Variants in GFRA1 observed in about 807,000 individuals in gnomAD.
GFRA1 encodes the protein GDNF family receptor alpha-1.
A neutral mutation model predicts 51.6 loss-of-function variants in GFRA1; 16 were observed. The observed-to-expected ratio is 0.31, with a 90% CI of 0.21 to 0.47. GFRA1 has a LOEUF of 0.47. Ranked by LOEUF, GFRA1 falls within the 20% of genes least tolerant of loss-of-function variation. The pLI, the probability that GFRA1 is intolerant of heterozygous loss-of-function variation, is 1.00. For missense variants in GFRA1, 530 were observed against 594.3 expected (o/e 0.89, Z 1.13); for synonymous variants, 270 against 241.3 (o/e 1.12, Z -1.10).
chr10:116,190,128 G>A (rs555359401), intron 5 of GFRA1, among the ~76,000 whole-genome samples: 104 of 152,164 alleles, frequency 6.8e-4, no homozygotes, highest in Non-Finnish European at 1.1e-3. Context: ...TTCTCCCACC[G>A]AATGAGAAGC....
chr10:116,273,973 C>T (rs1456548815), upstream of GFRA1, among the ~76,000 whole-genome samples: 1 of 152,188 alleles, frequency 6.6e-6, no homozygotes, highest in Non-Finnish European at 1.5e-5. Flanking sequence ...GGAGCTCCGA[C>T]AAGGAGACAA....
chr10:116,227,895 T>A (rs543645825), intron 4 of GFRA1, among the ~76,000 whole-genome samples: 13 of 152,328 alleles, frequency 8.5e-5, no homozygotes, highest in African/African-American at 2.9e-4. Context: ...AAAGATGATA[T>A]ACCACAATCT....
chr10:116,261,754 G>C (rs1969319041), intron 4 of GFRA1, among the ~76,000 whole-genome samples: 1 of 152,160 alleles, frequency 6.6e-6, no homozygotes, highest in East Asian at 1.9e-4. Flanking sequence ...CAATATACGG[G>C]CCCTTCAAAA....
chr10:116,264,097 T>C (rs1415890466), intron 4 of GFRA1, among the ~76,000 whole-genome samples: 1 of 152,104 alleles, frequency 6.6e-6, no homozygotes, highest in African/African-American at 2.4e-5. Context: ...AAATGCTGGT[T>C]TAGCGCTCAA....
chr10:116,134,430 G>A (rs754751787), intron 5 of GFRA1, among the ~76,000 whole-genome samples: 5 of 152,092 alleles, frequency 3.3e-5, no homozygotes, highest in Non-Finnish European at 7.4e-5. Context: ...TGACAGTCTG[G>A]GCTTCTGATA....
At chr10:116,249,658 G>C (rs1233598813) in intron 4 of GFRA1, among the ~76,000 whole-genome samples, 1 of 152,078 alleles carries the variant, frequency 6.6e-6, no homozygotes, top group Non-Finnish European at 1.5e-5. Flanking sequence ...GCACCAAATA[G>C]CTATTTAGTA....
intron 5 of GFRA1, among the ~76,000 whole-genome samples, chr10:116,188,064 C>A (rs1452061184): frequency 2.6e-5 from 4 of 152,062 alleles, no homozygotes; most frequent in African/African-American, 9.7e-5. Context: ...GAAACCACAA[C>A]CCTATATATA....
chr10:116,074,694 C>T (rs963966192), intron 9 of GFRA1, among the ~76,000 whole-genome samples: 1 of 152,186 alleles, frequency 6.6e-6, no homozygotes, highest in Non-Finnish European at 1.5e-5. Context: ...CTTGAGTTTC[C>T]TCTCCAGAGA....
At chr10:116,154,161 G>C (rs957658187) in intron 5 of GFRA1, among the ~76,000 whole-genome samples, 1 of 152,102 alleles carries the variant, frequency 6.6e-6, no homozygotes, top group African/African-American at 2.4e-5. Context: ...GACCACTTCG[G>C]AAGTCTAAAC....
chr10:116,228,978 C>A, intron 4 of GFRA1, among the ~76,000 whole-genome samples: 1 of 23,860 alleles, frequency 4.2e-5, no homozygotes. Flanking sequence ...AATACTCCAT[C>A]TCAAAAAAAA....
chr10:116,203,722 T>A (rs372809334), intron 5 of GFRA1, among the ~76,000 whole-genome samples: 14 of 152,230 alleles, frequency 9.2e-5, no homozygotes, highest in African/African-American at 3.1e-4. Flanking sequence ...TCTATCCTGG[T>A]CCCCAGTGAG....
At chr10:116,097,040 A>G (rs1305581482) in intron 6 of GFRA1, among the ~76,000 whole-genome samples, 2 of 152,028 alleles carry the variant, frequency 1.3e-5, no homozygotes, top group East Asian at 3.9e-4. Flanking sequence ...AGGGCCTATA[A>G]CTGGAGGAAT....
intron 9 of GFRA1, among the ~76,000 whole-genome samples, chr10:116,081,098 T>C (rs1249021523): frequency 6.6e-6 from 1 of 152,180 alleles, no homozygotes; most frequent in Non-Finnish European, 1.5e-5. Context: ...CTTGTAGCAC[T>C]TTCCTGATTT....
chr10:116,222,268 G>A (rs1280282295), intron 4 of GFRA1, among the ~76,000 whole-genome samples: 4 of 152,018 alleles, frequency 2.6e-5, no homozygotes, highest in Non-Finnish European at 2.9e-5. Context: ...GCGTGATCTC[G>A]GCTCACTGCA....
At chr10:116,196,583 TAG>T (rs1963800532) in intron 5 of GFRA1, among the ~76,000 whole-genome samples, 2 of 26,062 alleles carry the variant, frequency 7.7e-5, no homozygotes, top group Non-Finnish European at 1.7e-4. Context: ...ATATAATATA[TAG>T]TACTATATAT....
intron 5 of GFRA1, among the ~76,000 whole-genome samples, chr10:116,172,681 G>A (rs11197567): frequency 0.22 from 33,269 of 152,140 alleles, 3,750 homozygotes; most frequent in Non-Finnish European, 0.25. Flanking sequence ...GCTGGGGGAC[G>A]GGCATGTGTA....
In GFRA1 at chr10:116,125,303, C is replaced by T. The variant is rs780279189; in HGVS notation, c.688G>A (p.Val230Met). 10 of 1,614,228 alleles carry T rather than the reference C, an allele frequency of 6.2e-6. No homozygotes were observed. The highest frequency in any genetic ancestry group is 7.6e-6 in the Non-Finnish European group (9 of 1,180,042). The change falls in exon 6 of 11, where the codon GTG becomes ATG. Residue 230 changes from valine (V) to methionine (M), a missense_variant. Val to Met is a conservative substitution (Grantham distance 21). Coordinates refer to ENST00000355422, the MANE Select transcript of GFRA1 (RefSeq NM_005264.8). ...ACTERRRQTIVPVCSYEEREK... is the reference protein window; with the variant it reads ...ACTERRRQTIMPVCSYEEREK... ...CTCTCTTCATAGGAGCACACAGGCACGATGGTCTGTCGCCTCCGCTCTGTG... is the reference window on the plus strand; with the variant it reads ...CTCTCTTCATAGGAGCACACAGGCATGATGGTCTGTCGCCTCCGCTCTGTG...
intron 4 of GFRA1, among the ~76,000 whole-genome samples, chr10:116,251,991 A>G (rs1167884865): frequency 1.6e-5 from 1 of 62,388 alleles, no homozygotes; most frequent in East Asian, 5.8e-4. Flanking sequence ...TTTTTTTTTT[A>G]CAATTACCAA....
intron 5 of GFRA1, among the ~76,000 whole-genome samples, chr10:116,210,405 C>T (rs533036214): frequency 5.9e-5 from 9 of 152,224 alleles, no homozygotes; most frequent in Non-Finnish European, 1.2e-4. Flanking sequence ...CCCACTGACC[C>T]CCCAGTTTGT....
Sources: allele counts gnomAD v4.1 joint callset (sites outside exome capture counted in the v4.1 genomes callset), GRCh38; gene constraint gnomAD v4.1.1; transcripts MANE v1.5; gene names NCBI Gene and HGNC (gene_info 2026-07-23, HGNC 2026-07-21).